GFPT2: variants seen among roughly 807,000 people sequenced by gnomAD.
The protein encoded by GFPT2 is glutamine--fructose-6-phosphate transaminase 2.
A neutral mutation model predicts 85.6 loss-of-function variants in GFPT2; 62 were observed. The ratio of observed to expected loss-of-function variants is 0.72; its 90% CI spans 0.59 to 0.90. The LOEUF (loss-of-function observed/expected upper bound fraction) is 0.90, where lower values mean the gene tolerates loss of function less well. Among genes scored for constraint, GFPT2 ranks in the 40% least tolerant of loss-of-function variants. The pLI is 0.00. For synonymous variants in GFPT2, 368 were observed against 344.5 expected, an observed-to-expected ratio of 1.07 and a Z score of -0.75; for missense variants, 788 against 893.4, an observed-to-expected ratio of 0.88 and a Z score of 1.50.
chr5:180,329,831 C>T (rs1211423679), intron 6 of GFPT2, among the ~76,000 whole-genome samples: 1 of 152,200 alleles, frequency 6.6e-6, no homozygotes, highest in Non-Finnish European at 1.5e-5. Context: ...CCTCCCGCAC[C>T]CTGCATGGGC....
intron 7 of GFPT2, among the ~76,000 whole-genome samples, chr5:180,327,355 G>A (rs1026239599): frequency 1.3e-5 from 2 of 152,198 alleles, no homozygotes; most frequent in African/African-American, 2.4e-5. Context: ...GGCCTAGAAC[G>A]CCTCCGTCCC....
chr5:180,324,703 C>T, intron 8 of GFPT2, 113 bp downstream of exon 8: 1 of 759,476 alleles, frequency 1.3e-6, no homozygotes, highest in Non-Finnish European at 2.4e-6. Flanking sequence ...CCTGTTGGGT[C>T]TGGCTCAGAG....
chr5:180,324,826 TAA>T lies in GFPT2; in HGVS notation c.664_665del (p.Leu222IlefsTer14). On this transcript the variant is annotated frameshift_variant, in exon 8 of 19. Transcript: ENST00000253778. LOFTEE classifies it high-confidence loss of function. ...YKLSTEQIPI[L>X]YRTCTLENVK... ...TCTTGAGAAACTTACACGTCCTGTA[TAA>T]GATAGGGATCTGTTCTGTGGAGAGC... 1 of 1,600,796 alleles carries T rather than the reference TAA, an allele frequency of 6.2e-7. No individual in the cohort carries two copies. The highest frequency in any genetic ancestry group is 8.6e-7 in the Non-Finnish European group (1 of 1,167,934).
chr5:180,331,351 G>GTTTCTTC, intron 5 of GFPT2, 144 bp downstream of exon 5: 1 of 630,660 alleles, frequency 1.6e-6, no homozygotes, highest in Non-Finnish European at 2.9e-6. Flanking sequence ...CAAGGCAGAG[G>GTTTCTTC]TTTCTTCTCA....
chr5:180,330,815 A>C lies in GFPT2; in HGVS notation c.419T>G (p.Phe140Cys). The C allele has an allele frequency of 1.2e-6, 2 of 1,613,946 alleles. No individual in the cohort carries two copies. Among genetic ancestry groups the C allele is most frequent in the Non-Finnish European group, 1.7e-6 (2 of 1,179,818 alleles). Residue 140 changes from phenylalanine (F) to cysteine (C), a missense_variant, in exon 6 of 19, where the codon TTT (phenylalanine) becomes TGT (cysteine). Transcript: ENST00000253778. The surrounding 1 kb of genome is among the most constrained non-coding windows in gnomAD (Gnocchi z 4.4). ...GGTCTCTGTATCTGTTTCTGACTCA[A>C]ACTCGTAGCCTTTGCTTTCCTGGAA... ...RKFLESKGYE[F>C]ESETDTETIA...
Position 180,304,771 on chromosome 5 carries a change from C to T in GFPT2, c.1842+1G>A. The T allele has an allele frequency of 5.0e-6, 8 of 1,611,488 alleles. No homozygotes were observed. Among genetic ancestry groups the T allele is most frequent in the Non-Finnish European group, 6.8e-6 (8 of 1,178,488 alleles). On this transcript the variant is annotated splice_donor_variant, in intron 17 of 18. Transcript: ENST00000253778. LOFTEE classifies it high-confidence loss of function. ...GGCCCAGTCCAGTGGAGAGCCCTCA[C>T]CTGGCGGGCCGTGACTTGCTGCAGG...
In GFPT2 at chr5:180,318,676, G is replaced by A. The variant is rs999247175; in HGVS notation, c.958+117C>T. 2.3e-6 allele frequency: 2 copies of A among 856,312 alleles called. No individual in the cohort carries two copies. Among genetic ancestry groups the A allele is most frequent in the Admixed American group, 4.3e-5 (2 of 46,334 alleles). 53.0% of individuals were successfully genotyped at this position (856,312 alleles called of 1,614,324 possible). ...ACAGGCTACCTGCAGCCCCGCCCTG[G>A]TGGCCACAGAGGGCAGGAGGGCTGT... is the stretch of plus-strand genomic sequence containing the variant. On this transcript the variant is annotated intron_variant, in intron 10 of 18. Transcript: ENST00000253778. The surrounding 1 kb of genome is among the most constrained non-coding windows in gnomAD (Gnocchi z 4.2).
chr5:180,349,751 T>C (rs745480062), intron 1 of GFPT2, among the ~76,000 whole-genome samples: 1 of 151,820 alleles, frequency 6.6e-6, no homozygotes, highest in Non-Finnish European at 1.5e-5. Flanking sequence ...AATCAGTAAG[T>C]TTGCAGTCAT....
At chr5:180,319,035 C>T (rs1316189990) in intron 9 of GFPT2, 79 bp from the exon 10 acceptor site, 14 of 1,373,712 alleles carry the variant, frequency 1.0e-5, no homozygotes, top group African/African-American at 2.8e-5. Context: ...GGTTCCCAAG[C>T]GTGGAGGCCA....
intron 6 of GFPT2, among the ~76,000 whole-genome samples, chr5:180,329,533 T>C (rs983759578): frequency 6.6e-6 from 1 of 152,262 alleles, no homozygotes; most frequent in East Asian, 1.9e-4. Flanking sequence ...CTGTACCTTA[T>C]CCAGCACATT....
Position 180,302,640 on chromosome 5 carries a change from G to C in GFPT2, c.1843-56C>G, listed in dbSNP as rs1046571579. 17 of 1,363,516 alleles carry C rather than the reference G, an allele frequency of 1.2e-5. No homozygotes were observed. In the African/African-American group the frequency reaches 1.7e-4, roughly 14 times the overall value. The allele number at this position is 1,363,516 out of a possible 1,614,324, so 84.5% of individuals were successfully genotyped here. A position where few individuals can be genotyped will look rare whatever the true frequency, so the allele number is the denominator to read the frequency against. The stretch of plus-strand genomic sequence containing the variant: ...ACCCTCTCTGAAAGAAGCTATCCCT[G>C]ATGCATACAGAGTATCTGGAAGCTA... On this transcript the variant is annotated intron_variant, in intron 17 of 18. Coordinates refer to ENST00000253778, the MANE Select transcript of GFPT2 (RefSeq NM_005110.4).
chr5:180,302,790 C>T (rs1275191247), intron 17 of GFPT2, among the ~76,000 whole-genome samples: 1 of 152,120 alleles, frequency 6.6e-6, no homozygotes, highest in Admixed American at 6.6e-5. Flanking sequence ...TCTTCCCCTT[C>T]CCTGGTAAGG....
chr5:180,323,486 A>G lies in GFPT2; in HGVS notation c.794+702T>C, dbSNP rs972296360. 6.6e-6 allele frequency among the ~76,000 whole-genome samples: 1 copy of G among 152,184 alleles called. No individual in the cohort carries two copies. Among genetic ancestry groups the G allele is most frequent in the African/African-American group, 2.4e-5 (1 of 41,436 alleles). On this transcript the variant is annotated intron_variant, in intron 9 of 18. Coordinates refer to ENST00000253778, the MANE Select transcript of GFPT2 (RefSeq NM_005110.4). This position sits in a 1 kb window ranked among gnomAD's most constrained non-coding sequence, Gnocchi z 4.0. ...TGAAGAAGGTACCAGAGGTGATTAC[A>G]GCAGTTTTCTACTTCAAATGGCAGG...
In GFPT2 at chr5:180,316,733, C is replaced by T. The variant is rs200360776; in HGVS notation, c.1152+31G>A. On this transcript the variant is annotated intron_variant, in intron 12 of 18. Transcript: ENST00000253778. The stretch of plus-strand genomic sequence containing the variant: ...CCAGTGTCTGGTCCTAGACTGCCGT[C>T]GACTTCCCCACGCACATGTGTCACA... 211 of 1,493,100 alleles carry T rather than the reference C, an allele frequency of 1.4e-4. No homozygotes were observed. In the East Asian group the frequency reaches 3.1e-3, roughly 22 times the overall value. The allele number at this position is 1,493,100 out of a possible 1,614,324, so 92.5% of individuals were successfully genotyped here.
In GFPT2 at chr5:180,301,600, G is replaced by A; in HGVS notation, c.2013C>T (p.Phe671=). 1.2e-6 allele frequency: 2 copies of A among 1,613,378 alleles called. No homozygotes were observed. The highest frequency in any genetic ancestry group is 8.5e-7 in the Non-Finnish European group (1 of 1,179,286). ...LAVLRGYDVD[F]PRNLAKSVTV... ...TTACAGACTTGGCCAGATTTCTGGG[G>A]AAGTCAACCTAAAATGAAAGAAAGT... The change falls in exon 19 of 19, where the codon TTC becomes TTT. Residue 671 remains phenylalanine (F), a synonymous_variant. Coordinates refer to ENST00000253778, the MANE Select transcript of GFPT2 (RefSeq NM_005110.4).
At chr5:180,334,136 T>C (rs763402319) in intron 4 of GFPT2, among the ~76,000 whole-genome samples, 3 of 152,170 alleles carry the variant, frequency 2.0e-5, no homozygotes, top group Non-Finnish European at 2.9e-5. Context: ...TGCCCTATGG[T>C]TCAGGGCATG....
At chr5:180,317,724 A>G (rs1157466754) in intron 10 of GFPT2, among the ~76,000 whole-genome samples, 17 of 104,644 alleles carry the variant, frequency 1.6e-4, no homozygotes, top group Non-Finnish European at 3.2e-4. Context: ...GCGCCACAGC[A>G]CTCCAGCCTG....
Position 180,314,652 on chromosome 5 carries a change from G to T in GFPT2, c.1274-688C>A, listed in dbSNP as rs189746482. Among the ~76,000 whole-genome samples the T allele has an allele frequency of 1.1e-4, 17 of 152,312 alleles. No individual in the cohort carries two copies. In the East Asian group the frequency reaches 2.9e-3, roughly 26 times the overall value. ...TCTTGGCTGTGTCTGTCCCAGCTTT[G>T]CAGGGCAGGCAGGTGCCGCCCGGTG... is the stretch of plus-strand genomic sequence containing the variant. On this transcript the variant is annotated intron_variant, in intron 13 of 18. Coordinates refer to ENST00000253778, the MANE Select transcript of GFPT2 (RefSeq NM_005110.4).
chr5:180,353,208 CACCGCA>C lies in GFPT2; in HGVS notation c.4_7+2del. 1 of 1,238,782 alleles carries C rather than the reference CACCGCA, an allele frequency of 8.1e-7. No homozygotes were observed. Among genetic ancestry groups the C allele is most frequent in the Non-Finnish European group, 1.0e-6 (1 of 988,358 alleles). The allele number at this position is 1,238,782 out of a possible 1,614,324, so 76.7% of individuals were successfully genotyped here. On this transcript the variant is annotated splice_donor_variant and coding_sequence_variant, in exon 1 of 19. Transcript: ENST00000253778. LOFTEE classifies it high-confidence loss of function. The stretch of plus-strand genomic sequence containing the variant: ...AGGCGGCTCGGGCGGGCGCGGCACT[CACCGCA>C]CATCGTGGCTGCTTCTCGGGCTCCT...
Sources: gnomAD v4.1 joint callset for allele counts (sites outside exome capture counted in the v4.1 genomes callset) on GRCh38, gnomAD v4.1.1 for gene constraint, Gnocchi (gnomAD v3.1) non-coding constraint, MANE v1.5 for transcripts, NCBI Gene and HGNC (gene_info 2026-07-23, HGNC 2026-07-21) for gene names.